Variants in CAT observed in about 807,000 individuals in gnomAD.
CAT encodes the protein catalase, also known as epididymis secretory sperm binding protein.
CAT carries 43 observed loss-of-function variants against 59.0 expected under a neutral mutation model. That is an observed-to-expected ratio of 0.73 (90% CI 0.57 to 0.94). CAT has a LOEUF of 0.94. CAT is among the 40% of genes least tolerant of loss of function. The pLI, the probability that CAT is intolerant of heterozygous loss-of-function variation, is 0.00. For missense variants in CAT, 664 were observed against 682.9 expected, an observed-to-expected ratio of 0.97 and a Z score of 0.31; for synonymous variants, 218 against 230.9, an observed-to-expected ratio of 0.94 and a Z score of 0.51.
chr11:34,453,646 A>G (rs1332838235), intron 5 of CAT, among the ~76,000 whole-genome samples, 155 bp from the exon 6 acceptor site: 1 of 152,194 alleles, frequency 6.6e-6, no homozygotes, highest in Non-Finnish European at 1.5e-5. Flanking sequence ...GTTATTTTCT[A>G]CAAGTGAAAT....
chr11:34,466,145 A>G (rs1240905601), intron 10 of CAT, among the ~76,000 whole-genome samples: 7 of 152,256 alleles, frequency 4.6e-5, no homozygotes, highest in Admixed American at 4.6e-4. Context: ...AATAAGGGCA[A>G]ACATGAAATA....
rs201278424 is a variant in CAT, at chr11:34,451,097, T to C, written c.348T>C (p.Val116=). 73 of 1,576,000 alleles carry C rather than the reference T, an allele frequency of 4.6e-5. 2 individuals carry two copies. The highest frequency in any genetic ancestry group is 3.8e-4 in the South Asian group (34 of 90,348). Residue 116 remains valine (V), a splice_region_variant and synonymous_variant, in exon 3 of 13, where the codon GTT becomes GTC. Transcript: ENST00000241052. ...CCATCGCAGTTCGGTTCTCCACTGT[T>C]GGTAAGTTGGTTTATTGGCGTGATT... ...KTPIAVRFST[V]AGESGSADTV...
intron 8 of CAT, among the ~76,000 whole-genome samples, chr11:34,458,496 C>T (rs553344798): frequency 2.0e-4 from 31 of 152,272 alleles, no homozygotes; most frequent in African/African-American, 5.8e-4. Flanking sequence ...CAGAAGTTTG[C>T]ATTGAAACCA....
Position 34,464,107 on chromosome 11 carries a change from G to C in CAT, c.1198G>C (p.Gly400Arg), listed in dbSNP as rs1232194400. ...GPMCMQDNQG[G>R]APNYYPNSFG... The stretch of plus-strand genomic sequence containing the variant: ...ATCTGGGTGGTTTTGTTTTGAAGGT[G>C]GTGCTCCAAATTACTACCCCAACAG... The change falls in exon 10 of 13, where the codon GGT becomes CGT. Residue 400 changes from glycine (G) to arginine (R), a missense_variant and splice_region_variant. Gly to Arg is a moderately radical substitution (Grantham distance 125). Transcript: ENST00000241052. 1.9e-6 allele frequency: 3 copies of C among 1,613,940 alleles called. No homozygotes were observed. In the African/African-American group the frequency reaches 4.0e-5, roughly 22 times the overall value.
Position 34,449,290 on chromosome 11 carries a change from G to A in CAT, c.165G>A (p.Val55=). Residue 55 remains valine (V), a synonymous_variant, in exon 2 of 13, where the codon GTG becomes GTA. Coordinates refer to ENST00000241052, the MANE Select transcript of CAT (RefSeq NM_001752.4). ...GPRGPLLVQD[V]VFTDEMAHFD... is the part of the protein sequence containing the mutation. ...GTGGGCCCCTTCTTGTTCAGGATGT[G>A]GTTTTCACTGATGAAATGGCTCATT... 6.2e-7 allele frequency: 1 copy of A among 1,614,076 alleles called. No individual in the cohort carries two copies. The highest frequency in any genetic ancestry group is 8.5e-7 in the Non-Finnish European group (1 of 1,179,934).
chr11:34,471,530 C>T lies in CAT; in HGVS notation c.*97C>T. On this transcript the variant is annotated 3_prime_UTR_variant, in exon 13 of 13. Coordinates refer to ENST00000241052, the MANE Select transcript of CAT (RefSeq NM_001752.4). ...TTCTCCTGTGCTAGATGTGCAAATG[C>T]AAGCTAGTGGCTTCAAAATAGAGAA... is the stretch of plus-strand genomic sequence containing the variant. 12 of 1,000,874 alleles carry T rather than the reference C, an allele frequency of 1.2e-5. No homozygotes were observed. The South Asian group carries it at 1.5e-4, about 13-fold the overall frequency. The allele number at this position is 1,000,874 out of a possible 1,614,324, so 62.0% of individuals were successfully genotyped here.
At chr11:34,441,854 G>C (rs977572966) in intron 1 of CAT, among the ~76,000 whole-genome samples, 5 of 152,174 alleles carry the variant, frequency 3.3e-5, no homozygotes, top group Non-Finnish European at 7.3e-5. Flanking sequence ...TTGTGCACAG[G>C]TGGTTTTATT....
intron 11 of CAT, 114 bp from the exon 12 acceptor site, chr11:34,470,844 C>T (rs1414417744): frequency 8.1e-6 from 7 of 867,006 alleles, no homozygotes; most frequent in Admixed American, 5.1e-5. Context: ...GTACTGCCTC[C>T]TGCTGAAACG....
intron 8 of CAT, among the ~76,000 whole-genome samples, chr11:34,460,124 A>G (rs373371366): frequency 6.6e-6 from 1 of 152,230 alleles, no homozygotes; most frequent in Non-Finnish European, 1.5e-5. Context: ...TTCAAGGCCA[A>G]TGATAAATTC....
chr11:34,440,848 A>AT (rs1404575553), intron 1 of CAT, among the ~76,000 whole-genome samples: 2 of 151,966 alleles, frequency 1.3e-5, no homozygotes, highest in African/African-American at 4.8e-5. Context: ...CAGGTGTAAT[A>AT]TTTTCATTTT....
In CAT at chr11:34,439,515, G is replaced by A. The variant is rs191016735; in HGVS notation, c.66+436G>A. Among the ~76,000 whole-genome samples the A allele has an allele frequency of 5.5e-4, 84 of 152,270 alleles. 1 individual carries two copies. Among genetic ancestry groups the A allele is most frequent in the Non-Finnish European group, 8.1e-4 (55 of 68,016 alleles). ...AGTTGTGGGGTCCCAGCAGGGCAGG[G>A]ATTGTGTTTTACAATCTTGAGGTCT... On this transcript the variant is annotated intron_variant, in intron 1 of 12. Coordinates refer to ENST00000241052, the MANE Select transcript of CAT (RefSeq NM_001752.4).
At chr11:34,460,991 A>G in intron 8 of CAT, 2 of 520,682 alleles carry the variant, frequency 3.8e-6, no homozygotes, top group Non-Finnish European at 6.9e-6. Flanking sequence ...GCAGAAGGAA[A>G]AAAAAAAGAT....
intron 1 of CAT, among the ~76,000 whole-genome samples, chr11:34,440,735 G>A (rs1334751518): frequency 6.6e-6 from 1 of 151,818 alleles, no homozygotes; most frequent in Non-Finnish European, 1.5e-5. Flanking sequence ...GCTAATTTTT[G>A]TATTTTTAGT....
At chr11:34,450,952 G>A (rs1369885038) in intron 2 of CAT, 36 bp from the exon 3 acceptor site, 1 of 1,366,040 alleles carries the variant, frequency 7.3e-7, no homozygotes, top group East Asian at 2.3e-5. Context: ...CTGAGTAATG[G>A]TCTCATGGTA....
intron 1 of CAT, among the ~76,000 whole-genome samples, 185 bp downstream of exon 1, chr11:34,439,264 G>C (rs1168633971): frequency 6.6e-6 from 1 of 152,192 alleles, no homozygotes; most frequent in Non-Finnish European, 1.5e-5. Flanking sequence ...GGGGGGTCCG[G>C]GTAGTGGGGC....
rs144190885 is a variant in CAT, at chr11:34,461,255, G to A, written c.1061G>A (p.Arg354His). ...EASPDKMLQG[R>H]LFAYPDTHRH... The stretch of plus-strand genomic sequence containing the variant: ...CTATTGTATTTATTACTGCAGGGCC[G>A]CCTTTTTGCCTATCCTGACACTCAC... The change falls in exon 9 of 13, where the codon CGC (arginine) becomes CAC (histidine). Residue 354 changes from arginine (R) to histidine (H), a missense_variant. Coordinates refer to ENST00000241052, the MANE Select transcript of CAT (RefSeq NM_001752.4). 162 of 1,614,008 alleles carry A rather than the reference G, an allele frequency of 1.0e-4. No homozygotes were observed. Among genetic ancestry groups the A allele is most frequent in the Non-Finnish European group, 1.3e-4 (153 of 1,179,982 alleles).
At position 34,471,468 on chromosome 11, in the gene CAT, C is replaced by A; in HGVS notation, c.*35C>A. 1 of 1,571,070 alleles carries A rather than the reference C, an allele frequency of 6.4e-7. No individual in the cohort carries two copies. Among genetic ancestry groups the A allele is most frequent in the Non-Finnish European group, 8.8e-7 (1 of 1,140,730 alleles). On this transcript the variant is annotated 3_prime_UTR_variant, in exon 13 of 13. Coordinates refer to ENST00000241052, the MANE Select transcript of CAT (RefSeq NM_001752.4). ...CCTGCACCTGTGCAGCGAAGCTTAG[C>A]GTTCATCCGTGTAACCCGCTCATCA... is the stretch of plus-strand genomic sequence containing the variant.
intron 2 of CAT, 124 bp from the exon 3 acceptor site, chr11:34,450,864 A>G (rs1856515921): frequency 1.3e-6 from 1 of 779,434 alleles, no homozygotes; most frequent in Admixed American, 1.7e-5. Flanking sequence ...TTCCTCCAAC[A>G]TACTGGAAGC....
At chr11:34,463,598 T>C (rs1187101596) in intron 9 of CAT, among the ~76,000 whole-genome samples, 1 of 152,208 alleles carries the variant, frequency 6.6e-6, no homozygotes, top group Non-Finnish European at 1.5e-5. Flanking sequence ...TCAGGTCCCA[T>C]CACAGAGCTC....
Sources: allele counts gnomAD v4.1 joint callset (sites outside exome capture counted in the v4.1 genomes callset), GRCh38; gene constraint gnomAD v4.1.1; transcripts MANE v1.5; gene names NCBI Gene and HGNC (gene_info 2026-07-23, HGNC 2026-07-21).